Variants in RPRD1B observed in about 807,000 individuals in gnomAD.
RPRD1B encodes the protein regulation of nuclear pre-mRNA domain containing 1B.
A neutral mutation model predicts 41.5 loss-of-function variants in RPRD1B; 11 were observed. The observed-to-expected ratio is 0.27, with a 90% CI of 0.17 to 0.44. The LOEUF is 0.44. RPRD1B is among the 20% of genes least tolerant of loss of function. The pLI is 1.00. For missense variants in RPRD1B, 248 were observed against 389.9 expected (o/e 0.64, Z 3.06); for synonymous variants, 158 against 155.6 (o/e 1.02, Z -0.12).
intron 6 of RPRD1B, among the ~76,000 whole-genome samples, chr20:38,072,985 C>T (rs1457333287): frequency 6.6e-6 from 1 of 152,198 alleles, no homozygotes; most frequent in Non-Finnish European, 1.5e-5. Flanking sequence ...AATCAGACTT[C>T]TGAATTGGTG....
At chr20:38,059,368 G>A (rs1315135183) in intron 4 of RPRD1B, 26 bp from the exon 5 acceptor site, 1 of 1,603,378 alleles carries the variant, frequency 6.2e-7, no homozygotes, top group South Asian at 1.1e-5. Context: ...TTAATGGGTA[G>A]TGTTGTTTGT....
intron 5 of RPRD1B, among the ~76,000 whole-genome samples, chr20:38,062,710 G>C (rs141330707): frequency 5.3e-4 from 80 of 151,876 alleles, no homozygotes; most frequent in African/African-American, 1.8e-3. Context: ...CTCTTGCTCA[G>C]CCATCATTCT....
At chr20:38,042,312 C>T (rs973442484) in intron 2 of RPRD1B, among the ~76,000 whole-genome samples, 1 of 152,102 alleles carries the variant, frequency 6.6e-6, no homozygotes, top group East Asian at 1.9e-4. Context: ...TATAATCATA[C>T]CACTGCACTC....
chr20:38,086,907 C>G (rs2074566369), intron 6 of RPRD1B, among the ~76,000 whole-genome samples: 1 of 152,130 alleles, frequency 6.6e-6, no homozygotes, highest in African/African-American at 2.4e-5. Context: ...ACCCTATACC[C>G]CCTTCCAAAC....
chr20:38,035,080 A>G (rs928782118), intron 1 of RPRD1B, among the ~76,000 whole-genome samples: 1 of 152,240 alleles, frequency 6.6e-6, no homozygotes, highest in African/African-American at 2.4e-5. Flanking sequence ...ACTGAGACTC[A>G]TCTCGTGGTG....
At chr20:38,060,337 C>T (rs1405875093) in intron 5 of RPRD1B, among the ~76,000 whole-genome samples, 1 of 152,208 alleles carries the variant, frequency 6.6e-6, no homozygotes, top group Admixed American at 6.5e-5. Flanking sequence ...ACTCCAGTCC[C>T]TTGACTTGGC....
chr20:38,045,685 T>C (rs1394708198), intron 2 of RPRD1B, among the ~76,000 whole-genome samples: 1 of 152,164 alleles, frequency 6.6e-6, no homozygotes, highest in Non-Finnish European at 1.5e-5. Flanking sequence ...GTGGTGGGTG[T>C]GTGTTGTGAT....
At chr20:38,075,192 C>T (rs1194670274) in intron 6 of RPRD1B, among the ~76,000 whole-genome samples, 6 of 152,222 alleles carry the variant, frequency 3.9e-5, no homozygotes, top group Non-Finnish European at 5.9e-5. Flanking sequence ...ATACATTTCA[C>T]GGTCTCTGCC....
intron 5 of RPRD1B, among the ~76,000 whole-genome samples, chr20:38,061,910 A>G (rs1183128473): frequency 6.6e-6 from 1 of 152,208 alleles, no homozygotes; most frequent in Non-Finnish European, 1.5e-5. Context: ...ACCTGTGTAT[A>G]TGTAATCTTA....
chr20:38,066,058 T>G, intron 5 of RPRD1B, 23 bp from the exon 6 acceptor site: 1 of 1,608,902 alleles, frequency 6.2e-7, no homozygotes. Context: ...TTTTCTCTAT[T>G]TTTTGGTCTC....
intron 3 of RPRD1B, chr20:38,049,900 T>C (rs530215896): frequency 2.4e-5 from 11 of 466,336 alleles, no homozygotes; most frequent in South Asian, 1.1e-4. Flanking sequence ...TACACTGTAT[T>C]CTTTGGCCAA....
In RPRD1B at chr20:38,048,424, G is replaced by A. The variant is rs770108163; in HGVS notation, c.358G>A (p.Glu120Lys). The change falls in exon 3 of 7, where the codon GAG (glutamate) becomes AAG (lysine). Residue 120 changes from glutamate to lysine, a missense_variant. Around this residue, in one of 5 missense-constraint regions of RPRD1B, gnomAD observed 94 missense variants for 82.3 expected, o/e 1.14. Coordinates refer to ENST00000373433, the MANE Select transcript of RPRD1B (RefSeq NM_021215.4). ...GCAAGAACGAAGTGTGTATGGCGGCGAGTTCATACAGCAGCTGAAGCTGTC... is the reference window on the plus strand; with the variant it reads ...GCAAGAACGAAGTGTGTATGGCGGCAAGTTCATACAGCAGCTGAAGCTGTC... ...IWQERSVYGGEFIQQLKLSME... is the reference protein window; with the variant it reads ...IWQERSVYGGKFIQQLKLSME... 3.7e-6 allele frequency: 6 copies of A among 1,613,964 alleles called. No individual in the cohort carries two copies. Among genetic ancestry groups the A allele is most frequent in the Non-Finnish European group, 5.1e-6 (6 of 1,179,878 alleles).
At chr20:38,070,095 G>T (rs779652889) in intron 6 of RPRD1B, 100 of 605,824 alleles carry the variant, frequency 1.7e-4, no homozygotes, top group Non-Finnish European at 2.0e-4. Context: ...GTACGGAAAG[G>T]TAACCATTTT....
chr20:38,079,140 G>T lies in RPRD1B; in HGVS notation c.832-10586G>T, dbSNP rs562058059. Among the ~76,000 whole-genome samples, 63 of 152,134 alleles carry T rather than the reference G, an allele frequency of 4.1e-4. No homozygotes were observed. In the East Asian group the frequency reaches 0.011, roughly 28 times the overall value. On this transcript the variant is annotated intron_variant, in intron 6 of 6. Coordinates refer to ENST00000373433, the MANE Select transcript of RPRD1B (RefSeq NM_021215.4). ...GCCTGTTCTCACCCAAGCTTCCCCC[G>T]TGCCATAGGCGTTGTTTTCATTCCC...
At chr20:38,053,892 T>A (rs1568649579) in intron 3 of RPRD1B, among the ~76,000 whole-genome samples, 1 of 152,202 alleles carries the variant, frequency 6.6e-6, no homozygotes, top group Non-Finnish European at 1.5e-5. Context: ...AAGTTATATA[T>A]AAATACCATG....
In RPRD1B at chr20:38,090,139, G is replaced by T; in HGVS notation, c.*264G>T. ...CCACTTCATATTTTCATGCCCCCCTGTTGGTTTTCCATTCTTAACTGTCTC... is the reference window on the plus strand; with the variant it reads ...CCACTTCATATTTTCATGCCCCCCTTTTGGTTTTCCATTCTTAACTGTCTC... On this transcript the variant is annotated 3_prime_UTR_variant, in exon 7 of 7. Transcript: ENST00000373433. 1 of 1,172,580 alleles carries T rather than the reference G, an allele frequency of 8.5e-7. No homozygotes were observed. Among genetic ancestry groups the T allele is most frequent in the Non-Finnish European group, 1.1e-6 (1 of 946,764 alleles). The allele number at this position is 1,172,580 out of a possible 1,614,324, so 72.6% of individuals were successfully genotyped here.
At chr20:38,083,827 C>A (rs2074536328) in intron 6 of RPRD1B, 1 of 152,144 alleles carries the variant, frequency 6.6e-6, no homozygotes, top group Non-Finnish European at 1.5e-5. Context: ...GTGTCTTACT[C>A]AGCAGCTCCC....
At chr20:38,034,189 C>T (rs1335602786) in intron 1 of RPRD1B, 91 bp downstream of exon 1, 27 of 1,398,678 alleles carry the variant, frequency 1.9e-5, no homozygotes, top group Non-Finnish European at 2.5e-5. Context: ...TTCATTGAGC[C>T]TTGCTTTCCA....
rs773413139 is a variant in RPRD1B at position 38,033,898 on chromosome 20, C to G, written c.-50C>G. On this transcript the variant is annotated 5_prime_UTR_variant, in exon 1 of 7. Transcript: ENST00000373433. ...CGGCCTCGTGCCGTCGCTCTTCCCG[C>G]CGCACTGGGCGGCCCAGGCCGCTCC... The G allele has an allele frequency of 1.3e-6, 2 of 1,525,916 alleles. No homozygotes were observed. Among genetic ancestry groups the G allele is most frequent in the African/African-American group, 2.8e-5 (2 of 71,758 alleles). The allele number at this position is 1,525,916 out of a possible 1,614,324, so 94.5% of individuals were successfully genotyped here.
Sources: gnomAD v4.1 joint callset for allele counts (sites outside exome capture counted in the v4.1 genomes callset) on GRCh38, gnomAD v4.1.1 for gene constraint, gnomAD v4.1.1 regional missense constraint, MANE v1.5 for transcripts, NCBI Gene and HGNC (gene_info 2026-07-23, HGNC 2026-07-21) for gene names.